The following CCDC110 variants were observed in gnomAD, a reference collection of about 807,000 sequenced individuals.
CCDC110 encodes the protein coiled-coil domain containing 110.
A neutral mutation model predicts 77.1 loss-of-function variants in CCDC110; 70 were observed. The observed-to-expected ratio is 0.91, with a 90% CI of 0.75 to 1.11. The LOEUF is 1.11. Ranked by LOEUF, CCDC110 falls within the 50% of genes least tolerant of loss-of-function variation. CCDC110 has a pLI of 0.00. For missense variants in CCDC110, 868 were observed against 942.9 expected (o/e 0.92, Z 1.04); for synonymous variants, 295 against 312.5 (o/e 0.94, Z 0.59).
chr4:185,471,532 C>T, intron 1 of CCDC110, 142 bp downstream of exon 1: 1 of 934,918 alleles, frequency 1.1e-6, no homozygotes, highest in Middle Eastern at 2.5e-4. Context: ...GCCCTAGGGC[C>T]GAGCGGGAGA....
chr4:185,458,271 TA>T lies in CCDC110; in HGVS notation c.2315del (p.Leu772Ter), dbSNP rs1374732471. ...FEMRHLQREY[L>X]SLSDKICNQH... Reference sequence around the variant, plus strand: ...GATTACAAATTTTATCACTTAAACTTAAATATTCTCGTTGAAGATGCCGCAT... The same window carrying T: ...GATTACAAATTTTATCACTTAAACTTAATATTCTCGTTGAAGATGCCGCAT... On this transcript the variant is annotated frameshift_variant, in exon 6 of 7. Transcript: ENST00000307588. LOFTEE classifies it high-confidence loss of function. The T allele has an allele frequency of 6.2e-7, 1 of 1,600,414 alleles. No homozygotes were observed. The highest frequency in any genetic ancestry group is 1.3e-5 in the African/African-American group (1 of 74,136).
At chr4:185,471,495 G>C in intron 1 of CCDC110, 179 bp downstream of exon 1, 1 of 622,710 alleles carries the variant, frequency 1.6e-6, no homozygotes, top group South Asian at 2.5e-5. Context: ...AGCCACAGCG[G>C]ACGCAGGGGG....
chr4:185,462,944 T>A, intron 3 of CCDC110, 50 bp downstream of exon 3: 1 of 1,430,052 alleles, frequency 7.0e-7, no homozygotes, highest in Non-Finnish European at 9.8e-7. Context: ...CTGAAAAAGA[T>A]CAGCCTTTAC....
intron 2 of CCDC110, among the ~76,000 whole-genome samples, chr4:185,463,715 T>C (rs2095650448): frequency 6.6e-6 from 1 of 152,212 alleles, no homozygotes; most frequent in South Asian, 2.1e-4. Context: ...TTTGTTCTGC[T>C]TAAGTGTGTG....
At chr4:185,447,043 A>C (rs1286261738) in intron 6 of CCDC110, among the ~76,000 whole-genome samples, 1 of 152,060 alleles carries the variant, frequency 6.6e-6, no homozygotes, top group East Asian at 1.9e-4. Flanking sequence ...TCTTCTCTAA[A>C]GTCTGCTAAT....
Position 185,458,894 on chromosome 4 carries a change from T to C in CCDC110, c.1693A>G (p.Asn565Asp), listed in dbSNP as rs1435398649. 6.2e-7 allele frequency: 1 copy of C among 1,607,116 alleles called. No homozygotes were observed. The highest frequency in any genetic ancestry group is 8.5e-7 in the Non-Finnish European group (1 of 1,178,572). Reference protein sequence around the residue: ...SDMAIVNNENNRMSIEMEAMK... With the variant: ...SDMAIVNNENDRMSIEMEAMK... Reference sequence around the variant, plus strand: ...GCTTCCATTTCTATACTCATTCGATTATTTTCATTATTTACAATGGCCATA... The same window carrying C: ...GCTTCCATTTCTATACTCATTCGATCATTTTCATTATTTACAATGGCCATA... Residue 565 changes from asparagine (N) to aspartate (D), a missense_variant, in exon 6 of 7, where the codon AAT becomes GAT. By Grantham distance (23) the Asn-to-Asp change is conservative (BLOSUM62 1). Coordinates refer to ENST00000307588, the MANE Select transcript of CCDC110 (RefSeq NM_152775.4).
intron 4 of CCDC110, among the ~76,000 whole-genome samples, chr4:185,461,866 G>C (rs987562603): frequency 2.6e-5 from 4 of 152,190 alleles, no homozygotes; most frequent in African/African-American, 9.7e-5. Flanking sequence ...GGGAGACTGA[G>C]GTGGGCAGAT....
In CCDC110 at chr4:185,470,963, T is replaced by C. The variant is rs1236145158; in HGVS notation, c.97A>G (p.Ser33Gly). Residue 33 changes from serine to glycine, a missense_variant, in exon 2 of 7, where the codon AGT becomes GGT. Coordinates refer to ENST00000307588, the MANE Select transcript of CCDC110 (RefSeq NM_152775.4). ...ILNSSEGVKESGCSDTEYGCI... is the reference protein window; with the variant it reads ...ILNSSEGVKEGGCSDTEYGCI... ...ATTTTACCTGTGTCACTGCAGCCAC[T>C]TTCCTTCACCCCCTCCGAAGAATTT... 3.7e-6 allele frequency: 6 copies of C among 1,610,956 alleles called. No homozygotes were observed. The East Asian group carries it at 1.3e-4, about 36-fold the overall frequency.
intron 6 of CCDC110, chr4:185,457,826 A>C: frequency 7.2e-7 from 1 of 1,388,770 alleles, no homozygotes; most frequent in Non-Finnish European, 9.6e-7. Flanking sequence ...CTAGGGAAAA[A>C]AAAAAGAATT....
chr4:185,460,382 G>A (rs2095643942), intron 5 of CCDC110, 144 bp from the exon 6 acceptor site: 6 of 581,622 alleles, frequency 1.0e-5, no homozygotes, highest in Middle Eastern at 4.6e-4. Flanking sequence ...TAACAAGTAT[G>A]ATTTATTTTC....
At chr4:185,457,689 T>C in intron 6 of CCDC110, 1 of 893,770 alleles carries the variant, frequency 1.1e-6, no homozygotes, top group Non-Finnish European at 1.6e-6. Flanking sequence ...CAGGTTAATG[T>C]AATCACATAA....
In CCDC110 at chr4:185,458,474, A is replaced by G. The variant is rs1170395016; in HGVS notation, c.2113T>C (p.Ser705Pro). 1.2e-6 allele frequency: 2 copies of G among 1,600,880 alleles called. No individual in the cohort carries two copies. Among genetic ancestry groups the G allele is most frequent in the African/African-American group, 1.4e-5 (1 of 74,048 alleles). Residue 705 changes from serine to proline, a missense_variant, in exon 6 of 7, where the codon TCA (serine) becomes CCA (proline). Coordinates refer to ENST00000307588, the MANE Select transcript of CCDC110 (RefSeq NM_152775.4). The stretch of plus-strand genomic sequence containing the variant: ...GTTTTGGTTTCCATTACCATTTTTG[A>G]TAACATTTCACATTCCTTGCCAATT... ...SEIGKECEML[S>P]KMVMETKTDN...
At chr4:185,455,410 A>G (rs2095634589) in intron 6 of CCDC110, among the ~76,000 whole-genome samples, 1 of 152,232 alleles carries the variant, frequency 6.6e-6, no homozygotes, top group African/African-American at 2.4e-5. Flanking sequence ...CAAAATAAAT[A>G]TAAAAGGATG....
Position 185,452,466 on chromosome 4 carries a change from G to A in CCDC110, c.2461+5660C>T, listed in dbSNP as rs190874644. The stretch of plus-strand genomic sequence containing the variant: ...CAATAAGAAGCTCTGATAAGAACTG[G>A]AGAGAAAGTTAAGCAGTAGCACCTC... On this transcript the variant is annotated intron_variant, in intron 6 of 6. Coordinates refer to ENST00000307588, the MANE Select transcript of CCDC110 (RefSeq NM_152775.4). 10 of 746,250 alleles carry A rather than the reference G, an allele frequency of 1.3e-5. No individual in the cohort carries two copies. In the Admixed American group the frequency reaches 3.7e-4, roughly 28 times the overall value. The allele number at this position is 746,250 out of a possible 1,614,324, so 46.2% of individuals were successfully genotyped here.
chr4:185,467,476 T>G (rs187388677), intron 2 of CCDC110, among the ~76,000 whole-genome samples: 1 of 152,200 alleles, frequency 6.6e-6, no homozygotes, highest in Non-Finnish European at 1.5e-5. Flanking sequence ...ATTTACCAAG[T>G]CCCTGCTAAA....
rs1188337255 is a variant in CCDC110 at position 185,471,659 on chromosome 4, C to G, written c.10+15G>C. On this transcript the variant is annotated intron_variant, in intron 1 of 6. Transcript: ENST00000307588. ...CCGCGGCTCCCCTAGGAGCCCCGCC[C>G]CGTCCAACTCTTACCCGGGCTCATC... is the stretch of plus-strand genomic sequence containing the variant. The G allele has an allele frequency of 1.5e-5, 23 of 1,564,090 alleles. No homozygotes were observed. The highest frequency in any genetic ancestry group is 2.0e-5 in the Non-Finnish European group (23 of 1,159,272).
Position 185,459,108 on chromosome 4 carries a change from C to T in CCDC110, c.1479G>A (p.Lys493=). Reference sequence around the variant, plus strand: ...TGCTGTATTCTTCTGTTTTACTTAACTTAGACTGAATAGTACTCTTTTCTT... The same window carrying T: ...TGCTGTATTCTTCTGTTTTACTTAATTTAGACTGAATAGTACTCTTTTCTT... ...LVEEKSTIQS[K]LSKTEEYSKE... is the part of the protein sequence containing the mutation. Residue 493 remains lysine, a synonymous_variant, in exon 6 of 7, where the codon AAG becomes AAA. Transcript: ENST00000307588. 2 of 1,592,186 alleles carry T rather than the reference C, an allele frequency of 1.3e-6. No homozygotes were observed. Among genetic ancestry groups the T allele is most frequent in the Non-Finnish European group, 1.7e-6 (2 of 1,166,810 alleles).
At chr4:185,449,727 GT>G in intron 6 of CCDC110, 1 of 949,224 alleles carries the variant, frequency 1.1e-6, no homozygotes. Context: ...AATATAAGAT[GT>G]TATGGAGCAG....
Position 185,471,688 on chromosome 4 carries a change from G to T in CCDC110, c.-5C>A. 1 of 1,547,824 alleles carries T rather than the reference G, an allele frequency of 6.5e-7. No homozygotes were observed. The highest frequency in any genetic ancestry group is 8.7e-7 in the Non-Finnish European group (1 of 1,151,158). On this transcript the variant is annotated 5_prime_UTR_variant, in exon 1 of 7. Coordinates refer to ENST00000307588, the MANE Select transcript of CCDC110 (RefSeq NM_152775.4). ...CCAACTCTTACCCGGGCTCATCGCCGCGGCTCATCTCTCTCGCAACCGCCG... is the reference window on the plus strand; with the variant it reads ...CCAACTCTTACCCGGGCTCATCGCCTCGGCTCATCTCTCTCGCAACCGCCG...
Sources: allele counts gnomAD v4.1 joint callset (sites outside exome capture counted in the v4.1 genomes callset), GRCh38; gene constraint gnomAD v4.1.1; transcripts MANE v1.5; gene names NCBI Gene and HGNC (gene_info 2026-07-23, HGNC 2026-07-21).